MAGI2: variants seen among roughly 807,000 people sequenced by gnomAD.
The protein encoded by MAGI2 is membrane-associated guanylate kinase, WW and PDZ domain-containing protein 2.
A neutral mutation model predicts 133.3 loss-of-function variants in MAGI2; 35 were observed. The ratio of observed to expected loss-of-function variants is 0.26; its 90% confidence interval spans 0.20 to 0.35. The LOEUF (loss-of-function observed/expected upper bound fraction) is 0.35. MAGI2 is among the 10% of genes least tolerant of loss of function. MAGI2 has a pLI of 1.00. For missense variants in MAGI2, 1,636 were observed against 1,863.4 expected, an observed-to-expected ratio of 0.88 and a Z score of 2.25; for synonymous variants, 729 against 710.6, an observed-to-expected ratio of 1.03 and a Z score of -0.41.
intron 2 of MAGI2, among the ~76,000 whole-genome samples, chr7:78,717,340 G>T (rs574873458): frequency 1.1e-3 from 166 of 152,116 alleles, no homozygotes; most frequent in Non-Finnish European, 2.1e-3. Context: ...AACAGGAAAG[G>T]TATATAATTA....
At chr7:78,152,565 G>A (rs1028916172) in intron 16 of MAGI2, among the ~76,000 whole-genome samples, 1 of 152,198 alleles carries the variant, frequency 6.6e-6, no homozygotes, top group African/African-American at 2.4e-5. Context: ...CAGAAATTAA[G>A]TCACAATAAT....
At chr7:79,286,353 T>C (rs538161417) in intron 1 of MAGI2, among the ~76,000 whole-genome samples, 1 of 152,170 alleles carries the variant, frequency 6.6e-6, no homozygotes, top group South Asian at 2.1e-4. Flanking sequence ...AGGGGAGACC[T>C]AGCTAGGTTC....
At chr7:79,022,891 A>T (rs962069448) in intron 1 of MAGI2, among the ~76,000 whole-genome samples, 2 of 152,170 alleles carry the variant, frequency 1.3e-5, no homozygotes, top group African/African-American at 2.4e-5. Flanking sequence ...GCTCAGGAAC[A>T]GACAGGTTCA....
chr7:78,340,102 AC>A (rs1790201354), intron 9 of MAGI2, among the ~76,000 whole-genome samples: 1 of 152,180 alleles, frequency 6.6e-6, no homozygotes, highest in African/African-American at 2.4e-5. Flanking sequence ...AAATGGCAGA[AC>A]TTTTTCTCCA....
chr7:78,490,774 T>A (rs1486285925), intron 5 of MAGI2, among the ~76,000 whole-genome samples: 1 of 152,086 alleles, frequency 6.6e-6, no homozygotes, highest in Non-Finnish European at 1.5e-5. Context: ...TCATTGGAGC[T>A]AAAATGTTTA....
chr7:78,868,830 T>C lies in MAGI2; in HGVS notation c.418+138260A>G, dbSNP rs904993277. 2.6e-5 allele frequency among the ~76,000 whole-genome samples: 4 copies of C among 152,000 alleles called. No homozygotes were observed. In the South Asian group the frequency reaches 8.3e-4, roughly 32 times the overall value. Reference sequence around the variant, plus strand: ...GTGCAGTGGCGAGATCTCGGCTTACTGCAAGCTCCGCCTCCCGGGTTCACA... The same window carrying C: ...GTGCAGTGGCGAGATCTCGGCTTACCGCAAGCTCCGCCTCCCGGGTTCACA... On this transcript the variant is annotated intron_variant, in intron 2 of 21. Coordinates refer to ENST00000354212, the MANE Select transcript of MAGI2 (RefSeq NM_012301.4).
intron 16 of MAGI2, among the ~76,000 whole-genome samples, chr7:78,145,556 G>A (rs1482530405): frequency 1.3e-5 from 2 of 152,126 alleles, no homozygotes; most frequent in Non-Finnish European, 2.9e-5. Context: ...ACGCCCTCAT[G>A]GTAGAATTAG....
chr7:78,609,902 A>G (rs1465035004), intron 3 of MAGI2, among the ~76,000 whole-genome samples: 4 of 151,904 alleles, frequency 2.6e-5, no homozygotes, highest in Admixed American at 6.5e-5. Flanking sequence ...AGGAGCCCAA[A>G]GTTTCCAGGT....
intron 14 of MAGI2, among the ~76,000 whole-genome samples, chr7:78,172,212 CT>C (rs1482681066): frequency 2.6e-5 from 4 of 152,198 alleles, no homozygotes; most frequent in African/African-American, 7.2e-5. Context: ...CCAAAACCAC[CT>C]TTCCAGGCCT....
intron 6 of MAGI2, among the ~76,000 whole-genome samples, chr7:78,448,522 G>C (rs971832303): frequency 6.6e-6 from 1 of 152,024 alleles, no homozygotes; most frequent in African/African-American, 2.4e-5. Flanking sequence ...TCTGAACTTG[G>C]TATGCTACTC....
chr7:79,409,277 T>C (rs1464594958), intron 1 of MAGI2, among the ~76,000 whole-genome samples: 1 of 139,596 alleles, frequency 7.2e-6, no homozygotes, highest in East Asian at 2.4e-4. Context: ...TAAAATGTTT[T>C]GTCTGTCTCT....
intron 3 of MAGI2, among the ~76,000 whole-genome samples, chr7:78,537,470 A>G (rs1185958625): frequency 6.6e-6 from 1 of 152,194 alleles, no homozygotes; most frequent in Non-Finnish European, 1.5e-5. Flanking sequence ...CCAGCAGTGT[A>G]AAAGCATTCC....
intron 2 of MAGI2, among the ~76,000 whole-genome samples, chr7:78,671,175 A>T (rs1814338051): frequency 6.6e-6 from 1 of 151,912 alleles, no homozygotes; most frequent in South Asian, 2.1e-4. Context: ...GGTTATGTTG[A>T]CCCTCAAATT....
chr7:78,859,795 G>A (rs1246588276), intron 2 of MAGI2, among the ~76,000 whole-genome samples: 3 of 152,184 alleles, frequency 2.0e-5, no homozygotes, highest in African/African-American at 7.2e-5. Flanking sequence ...TGCCTCACTA[G>A]GTTGGGGTAG....
At chr7:78,321,467 A>C (rs995590462) in intron 9 of MAGI2, among the ~76,000 whole-genome samples, 1 of 152,290 alleles carries the variant, frequency 6.6e-6, no homozygotes, top group Admixed American at 6.5e-5. Context: ...ATAACACCAC[A>C]TATCTACAAC....
At chr7:78,506,334 A>G (rs1426244690) in intron 4 of MAGI2, among the ~76,000 whole-genome samples, 1 of 152,162 alleles carries the variant, frequency 6.6e-6, no homozygotes, top group Non-Finnish European at 1.5e-5. Flanking sequence ...GGGCACACTG[A>G]GTTAGAGGTT....
At chr7:78,964,266 T>C (rs1448282198) in intron 2 of MAGI2, among the ~76,000 whole-genome samples, 1 of 152,050 alleles carries the variant, frequency 6.6e-6, no homozygotes, top group African/African-American at 2.4e-5. Flanking sequence ...TTTTCTAGTA[T>C]TTTTCCATAA....
chr7:78,692,827 A>G (rs1480903718), intron 2 of MAGI2, among the ~76,000 whole-genome samples: 2 of 152,226 alleles, frequency 1.3e-5, no homozygotes, highest in Admixed American at 1.3e-4. Flanking sequence ...TATGCTAACC[A>G]GTGCATACTG....
intron 2 of MAGI2, among the ~76,000 whole-genome samples, chr7:78,953,901 A>G (rs969973483): frequency 1.3e-5 from 2 of 152,160 alleles, no homozygotes; most frequent in Non-Finnish European, 2.9e-5. Context: ...ATTTAAGTGA[A>G]AAAGAGGAAT....
Sources: allele counts gnomAD v4.1 joint callset (sites outside exome capture counted in the v4.1 genomes callset), GRCh38; gene constraint gnomAD v4.1.1; transcripts MANE v1.5; gene names NCBI Gene and HGNC (gene_info 2026-07-23, HGNC 2026-07-21).